Variants in TMEM132B observed in about 807,000 individuals in gnomAD.
TMEM132B encodes transmembrane protein 132B.
TMEM132B carries 18 observed loss-of-function variants against 90.8 expected under a neutral mutation model. The observed-to-expected ratio is 0.20, with a 90% confidence interval of 0.14 to 0.29. The LOEUF is 0.29. TMEM132B is among the 10% of genes least tolerant of loss of function. TMEM132B has a pLI of 1.00. For synonymous variants in TMEM132B, 504 were observed against 523.3 expected (o/e 0.96, Z 0.50); for missense variants, 1,096 against 1,326.8 (o/e 0.83, Z 2.70).
At chr12:125,510,720 T>G (rs1007583533) in intron 3 of TMEM132B, among the ~76,000 whole-genome samples, 2 of 152,240 alleles carry the variant, frequency 1.3e-5, no homozygotes, top group Middle Eastern at 3.2e-3. Flanking sequence ...CCTCAGTACC[T>G]CATTATTTCT....
rs1360999206 is a variant in TMEM132B, at chr12:125,236,358, T to C, written c.67+49492T>C. Among the ~76,000 whole-genome samples, 4 of 152,184 alleles carry C rather than the reference T, an allele frequency of 2.6e-5. No individual in the cohort carries two copies. The South Asian group carries it at 8.3e-4, about 32-fold the overall frequency. On this transcript the variant is annotated intron_variant, in intron 1 of 8. Coordinates refer to ENST00000682704, the MANE Select transcript of TMEM132B (RefSeq NM_001366854.1). ...TTTTAGTTGAGATGGGATTTTGCCA[T>C]GTTAGCCAGGCTGTTCTCAAACTCA...
intron 3 of TMEM132B, among the ~76,000 whole-genome samples, chr12:125,416,203 T>G (rs1188706575): frequency 6.6e-6 from 1 of 152,184 alleles, no homozygotes; most frequent in African/African-American, 2.4e-5. Context: ...GGTGATCACG[T>G]GTCACCTCAC....
chr12:125,217,807 C>T (rs1873471160), intron 1 of TMEM132B, among the ~76,000 whole-genome samples: 1 of 152,164 alleles, frequency 6.6e-6, no homozygotes, highest in Admixed American at 6.5e-5. Context: ...AAAATTAAAA[C>T]GTCCATGCCT....
chr12:125,433,295 GAA>G (rs1880595743), intron 3 of TMEM132B, among the ~76,000 whole-genome samples: 1 of 152,130 alleles, frequency 6.6e-6, no homozygotes, highest in African/African-American at 2.4e-5. Context: ...ATTGGCTGTG[GAA>G]CGTCACGGTC....
At chr12:125,227,941 TTC>T (rs1423924007) in intron 1 of TMEM132B, among the ~76,000 whole-genome samples, 2 of 152,238 alleles carry the variant, frequency 1.3e-5, no homozygotes, top group East Asian at 1.9e-4. Flanking sequence ...GCCTGCAGTG[TTC>T]TGTGCCACAG....
At chr12:125,547,738 A>T (rs146282244) in intron 4 of TMEM132B, among the ~76,000 whole-genome samples, 5 of 152,190 alleles carry the variant, frequency 3.3e-5, no homozygotes, top group Admixed American at 6.5e-5. Flanking sequence ...GTTACTCAGT[A>T]CAAGGCAGGA....
intron 1 of TMEM132B, among the ~76,000 whole-genome samples, chr12:125,191,719 C>A (rs1872797453): frequency 6.6e-6 from 1 of 152,204 alleles, no homozygotes; most frequent in South Asian, 2.1e-4. Context: ...CTGTAGGCAA[C>A]TGGGAGTCCT....
chr12:125,281,510 A>C, intron 1 of TMEM132B, among the ~76,000 whole-genome samples: 1 of 152,144 alleles, frequency 6.6e-6, no homozygotes, highest in East Asian at 1.9e-4. Context: ...TTTGAGCTTA[A>C]GTTCCCTTAG....
chr12:125,473,683 A>T (rs545151651), intron 3 of TMEM132B, among the ~76,000 whole-genome samples: 1 of 152,196 alleles, frequency 6.6e-6, no homozygotes, highest in Middle Eastern at 3.2e-3. Context: ...TCCACAAGTA[A>T]TCTGGGAGGA....
chr12:125,272,449 G>A (rs866411414), intron 1 of TMEM132B, among the ~76,000 whole-genome samples: 24 of 152,268 alleles, frequency 1.6e-4, no homozygotes, highest in African/African-American at 5.5e-4. Flanking sequence ...TCCAGCGATT[G>A]GCAAGAGGCA....
intron 3 of TMEM132B, among the ~76,000 whole-genome samples, chr12:125,482,995 A>T (rs1882089801): frequency 6.6e-6 from 1 of 152,016 alleles, no homozygotes. Context: ...TATCGCAAGG[A>T]CAGAAAACCA....
chr12:125,603,554 G>A (rs575583226), intron 5 of TMEM132B, among the ~76,000 whole-genome samples: 9 of 152,254 alleles, frequency 5.9e-5, no homozygotes, highest in African/African-American at 1.7e-4. Flanking sequence ...AAGACTTCAT[G>A]ATGAAAACAC....
At chr12:125,436,347 T>C (rs1365005112) in intron 3 of TMEM132B, among the ~76,000 whole-genome samples, 1 of 152,154 alleles carries the variant, frequency 6.6e-6, no homozygotes, top group East Asian at 1.9e-4. Flanking sequence ...CCATGCTCTC[T>C]TCCTGTTATG....
chr12:125,578,893 A>G (rs1214826873), intron 4 of TMEM132B, among the ~76,000 whole-genome samples: 7 of 152,156 alleles, frequency 4.6e-5, no homozygotes, highest in Non-Finnish European at 7.4e-5. Context: ...GGTATTTGAC[A>G]GTTTGATTAT....
intron 1 of TMEM132B, among the ~76,000 whole-genome samples, chr12:125,252,821 C>T (rs1321851543): frequency 6.6e-6 from 1 of 152,188 alleles, no homozygotes; most frequent in African/African-American, 2.4e-5. Context: ...GTTCCAGAGT[C>T]ACTCTCCGGT....
intron 5 of TMEM132B, among the ~76,000 whole-genome samples, chr12:125,627,414 A>C (rs1886259332): frequency 6.6e-6 from 1 of 152,084 alleles, no homozygotes; most frequent in South Asian, 2.1e-4. Context: ...GAAGATACTG[A>C]GATGAATCCT....
intron 1 of TMEM132B, among the ~76,000 whole-genome samples, chr12:125,341,127 G>A (rs141524138): frequency 7.1e-4 from 108 of 152,260 alleles, no homozygotes; most frequent in African/African-American, 2.4e-3. Flanking sequence ...TTGCTTGCTC[G>A]AGCTTTCCTC....
At chr12:125,493,195 G>A (rs575750622) in intron 3 of TMEM132B, among the ~76,000 whole-genome samples, 32 of 152,288 alleles carry the variant, frequency 2.1e-4, no homozygotes, top group African/African-American at 7.7e-4. Flanking sequence ...AGACTGCTGG[G>A]AGCACTTTGA....
At chr12:125,300,473 G>A (rs925350997) in intron 1 of TMEM132B, among the ~76,000 whole-genome samples, 1 of 152,150 alleles carries the variant, frequency 6.6e-6, no homozygotes, top group Non-Finnish European at 1.5e-5. Context: ...TAGAGAAGTG[G>A]CACCTACCTA....
Sources: gnomAD v4.1 joint callset for allele counts (sites outside exome capture counted in the v4.1 genomes callset) on GRCh38, gnomAD v4.1.1 for gene constraint, MANE v1.5 for transcripts, NCBI Gene and HGNC (gene_info 2026-07-23, HGNC 2026-07-21) for gene names.